The following EEA1 variants were observed in gnomAD, a reference collection of about 807,000 sequenced individuals.
EEA1 encodes the protein early endosome antigen 1.
In EEA1, 111 loss-of-function variants were observed where a neutral mutation model predicts 209.2. The observed-to-expected ratio is 0.53, with a 90% CI of 0.45 to 0.62. The LOEUF (loss-of-function observed/expected upper bound fraction) is 0.62, where lower values mean the gene tolerates loss of function less well. Ranked by LOEUF, EEA1 falls within the 20% of genes least tolerant of loss-of-function variation. The pLI is 0.00. For missense variants in EEA1, 1,343 were observed against 1,530.8 expected (o/e 0.88, Z 2.05); for synonymous variants, 536 against 540.6 (o/e 0.99, Z 0.12).
intron 13 of EEA1, among the ~76,000 whole-genome samples, chr12:92,819,922 A>T (rs575346425): frequency 4.6e-5 from 7 of 152,140 alleles, no homozygotes; most frequent in Non-Finnish European, 8.8e-5. Context: ...CTCCCCGTTC[A>T]ACTGTTTGTT....
intron 1 of EEA1, among the ~76,000 whole-genome samples, chr12:92,921,520 A>G (rs550901628): frequency 8.4e-6 from 1 of 119,526 alleles, no homozygotes; most frequent in Non-Finnish European, 1.7e-5. Context: ...AACACCGCAT[A>G]TTCTCACTCA....
chr12:92,866,438 A>C (rs745361147), intron 2 of EEA1, among the ~76,000 whole-genome samples: 14 of 152,102 alleles, frequency 9.2e-5, no homozygotes, highest in Non-Finnish European at 2.1e-4. Flanking sequence ...TGTAAGCAAC[A>C]AGTAAATATA....
At chr12:92,812,510 A>G (rs1012754388) in intron 16 of EEA1, among the ~76,000 whole-genome samples, 8 of 152,054 alleles carry the variant, frequency 5.3e-5, no homozygotes, top group African/African-American at 1.7e-4. Context: ...ACTTCCTCCT[A>G]TTACCAAGAA....
chr12:92,786,677 C>G (rs780892848), intron 22 of EEA1, among the ~76,000 whole-genome samples: 2 of 152,086 alleles, frequency 1.3e-5, no homozygotes, highest in Non-Finnish European at 2.9e-5. Context: ...AGTTAGTAAC[C>G]TCTTAACTCA....
intron 21 of EEA1, among the ~76,000 whole-genome samples, chr12:92,788,523 C>A (rs1382762845): frequency 1.3e-5 from 2 of 152,074 alleles, no homozygotes; most frequent in African/African-American, 4.8e-5. Flanking sequence ...TAATTAATAT[C>A]AAGGCAGAAA....
At chr12:92,804,070 GAAC>G (rs1875065960) in intron 18 of EEA1, among the ~76,000 whole-genome samples, 1 of 151,826 alleles carries the variant, frequency 6.6e-6, no homozygotes, top group Non-Finnish European at 1.5e-5. Context: ...GAAACTGATA[GAAC>G]AACCAGAGGA....
At chr12:92,820,136 GTCTCAGTCATTGATATA>G (rs1283503976) in intron 13 of EEA1, among the ~76,000 whole-genome samples, 3 of 152,104 alleles carry the variant, frequency 2.0e-5, no homozygotes, top group African/African-American at 7.2e-5. Context: ...GGATTTTTGT[GTCTCAGTCATTGATATA>G]TCCAAGATAT....
chr12:92,864,655 G>A (rs748444939), intron 3 of EEA1, among the ~76,000 whole-genome samples: 4 of 152,008 alleles, frequency 2.6e-5, no homozygotes, highest in Non-Finnish European at 4.4e-5. Flanking sequence ...CCTATGTACC[G>A]TATTGTACTT....
intron 18 of EEA1, among the ~76,000 whole-genome samples, chr12:92,805,938 C>A (rs903326627): frequency 6.6e-6 from 1 of 152,034 alleles, no homozygotes; most frequent in Non-Finnish European, 1.5e-5. Context: ...AAAAAAGATA[C>A]CCTCTTTCAA....
At chr12:92,899,629 A>G (rs542943328) in intron 1 of EEA1, among the ~76,000 whole-genome samples, 1 of 152,336 alleles carries the variant, frequency 6.6e-6, no homozygotes, top group East Asian at 1.9e-4. Flanking sequence ...TCATTGGGAA[A>G]GTTAGGATCA....
chr12:92,904,958 C>T (rs954713827), intron 1 of EEA1, among the ~76,000 whole-genome samples: 1 of 152,178 alleles, frequency 6.6e-6, no homozygotes, highest in Non-Finnish European at 1.5e-5. Context: ...GTGATTAACT[C>T]AATCTCTAGC....
At chr12:92,831,096 A>G (rs1876606591) in intron 11 of EEA1, among the ~76,000 whole-genome samples, 1 of 152,336 alleles carries the variant, frequency 6.6e-6, no homozygotes. Flanking sequence ...AACATAACTG[A>G]AGCTCATTAA....
rs186515579 is a variant in EEA1 at position 92,793,152 on chromosome 12, T to C, written c.2968-5103A>G. Among the ~76,000 whole-genome samples, 899 of 152,258 alleles carry C rather than the reference T, an allele frequency of 5.9e-3. 8 individuals carry two copies. Among genetic ancestry groups the C allele is most frequent in the African/African-American group, 0.021 (858 of 41,540 alleles). ...ATCTCAAAATAACAAGAACTACTTATAGTAAACCCACAGCCAATATCATAC... is the reference window on the plus strand; with the variant it reads ...ATCTCAAAATAACAAGAACTACTTACAGTAAACCCACAGCCAATATCATAC... On this transcript the variant is annotated intron_variant, in intron 21 of 28. Coordinates refer to ENST00000322349, the MANE Select transcript of EEA1 (RefSeq NM_003566.4).
intron 1 of EEA1, 129 bp from the exon 2 acceptor site, chr12:92,891,850 C>G: frequency 1.7e-6 from 1 of 587,272 alleles, no homozygotes; most frequent in East Asian, 2.8e-5. Flanking sequence ...ACAGTACTAA[C>G]AGTATCATTT....
At chr12:92,813,394 A>G (rs1298844700) in intron 15 of EEA1, among the ~76,000 whole-genome samples, 1 of 152,138 alleles carries the variant, frequency 6.6e-6, no homozygotes, top group Non-Finnish European at 1.5e-5. Context: ...AGGCCACTGT[A>G]TTTTCAGAAG....
intron 13 of EEA1, 54 bp from the exon 14 acceptor site, chr12:92,819,565 C>A: frequency 7.9e-7 from 1 of 1,263,816 alleles, no homozygotes; most frequent in Non-Finnish European, 1.1e-6. Flanking sequence ...AAAAGTTATT[C>A]CTCAAACATA....
At chr12:92,780,215 G>T (rs1421175147) in intron 24 of EEA1, 65 bp downstream of exon 24, 5 of 1,446,750 alleles carry the variant, frequency 3.5e-6, no homozygotes, top group Admixed American at 2.3e-5. Context: ...ATATGTATGG[G>T]TATATATATT....
At chr12:92,778,212 T>C (rs1364389753) in intron 25 of EEA1, 33 bp from the exon 26 acceptor site, 5 of 1,543,828 alleles carry the variant, frequency 3.2e-6, no homozygotes, top group South Asian at 1.1e-5. Context: ...GGGAAATCTA[T>C]TACAAAAGTA....
chr12:92,884,384 C>T (rs1390803170), intron 2 of EEA1: 16 of 1,239,888 alleles, frequency 1.3e-5, no homozygotes, highest in East Asian at 9.3e-5. Context: ...TGGCGGTGGT[C>T]GTGGAGGTGG....
Sources: gnomAD v4.1 joint callset for allele counts (sites outside exome capture counted in the v4.1 genomes callset) on GRCh38, gnomAD v4.1.1 for gene constraint, MANE v1.5 for transcripts, NCBI Gene and HGNC (gene_info 2026-07-23, HGNC 2026-07-21) for gene names.